Variants in MAPK8IP1 observed in about 807,000 individuals in gnomAD.
MAPK8IP1 encodes the protein C-Jun-amino-terminal kinase-interacting protein 1.
In MAPK8IP1, 17 loss-of-function variants were observed where a neutral mutation model predicts 72.6. The ratio of observed to expected loss-of-function variants is 0.23; its 90% confidence interval spans 0.16 to 0.35. The LOEUF (loss-of-function observed/expected upper bound fraction) is 0.35. Ranked by LOEUF, MAPK8IP1 falls within the 10% of genes least tolerant of loss-of-function variation. The pLI, the probability that MAPK8IP1 is intolerant of heterozygous loss-of-function variation, is 1.00. For synonymous variants in MAPK8IP1, 401 were observed against 443.4 expected, an observed-to-expected ratio of 0.90 and a Z score of 1.20; for missense variants, 789 against 1,009.7, an observed-to-expected ratio of 0.78 and a Z score of 2.96.
Position 45,905,831 on chromosome 11 carries a change from G to A in MAPK8IP1, c.*110G>A, listed in dbSNP as rs1165943039. ...GGAGGGGCACCTGCCACCGCCAGAG[G>A]ACAAGGAAGTGGGGGCCGCTGGCCC... On this transcript the variant is annotated 3_prime_UTR_variant, in exon 12 of 12. Coordinates refer to ENST00000241014, the MANE Select transcript of MAPK8IP1 (RefSeq NM_005456.4). The A allele has an allele frequency of 2.7e-6, 3 of 1,095,814 alleles. No individual in the cohort carries two copies. Among genetic ancestry groups the A allele is most frequent in the Non-Finnish European group, 4.2e-6 (3 of 721,882 alleles). The allele number at this position is 1,095,814 out of a possible 1,614,324, so 67.9% of individuals were successfully genotyped here.
rs1368433163 is a variant in MAPK8IP1 at position 45,904,524 on chromosome 11, A to G, written c.1736A>G (p.Tyr579Cys). The G allele has an allele frequency of 1.2e-6, 2 of 1,614,176 alleles. No homozygotes were observed. The highest frequency in any genetic ancestry group is 1.7e-5 in the Admixed American group (1 of 60,026). Residue 579 changes from tyrosine (Y) to cysteine (C), a missense_variant, in exon 8 of 12, where the codon TAT becomes TGT. Coordinates refer to ENST00000241014, the MANE Select transcript of MAPK8IP1 (RefSeq NM_005456.4). This position sits in a 1 kb window ranked among gnomAD's most constrained non-coding sequence, Gnocchi z 6.4. ...VKFLGSVQVPYHKGNDVLCAA... is the reference protein window; with the variant it reads ...VKFLGSVQVPCHKGNDVLCAA... ...TTCCTGGGCTCAGTCCAGGTTCCCTATCACAAGGGCAATGACGTCCTCTGT... is the reference window on the plus strand; with the variant it reads ...TTCCTGGGCTCAGTCCAGGTTCCCTGTCACAAGGGCAATGACGTCCTCTGT...
Position 45,902,158 on chromosome 11 carries a change from G to C in MAPK8IP1, c.604+97G>C. ...CCTACAGTCTCCAAAGGGCTGAGTA[G>C]AGGTGAACTGCCCACCCACATCCCT... On this transcript the variant is annotated intron_variant, in intron 4 of 11. Transcript: ENST00000241014. The surrounding 1 kb of genome is among the most constrained non-coding windows in gnomAD (Gnocchi z 9.3). 8.5e-7 allele frequency: 1 copy of C among 1,173,186 alleles called. No individual in the cohort carries two copies. The highest frequency in any genetic ancestry group is 1.3e-6 in the Non-Finnish European group (1 of 778,102). The allele number at this position is 1,173,186 out of a possible 1,614,324, so 72.7% of individuals were successfully genotyped here. A position where few individuals can be genotyped will look rare whatever the true frequency, so the allele number is the denominator to read the frequency against.
At position 45,902,071 on chromosome 11, in the gene MAPK8IP1, G is replaced by A; in HGVS notation, c.604+10G>A. The A allele has an allele frequency of 6.2e-7, 1 of 1,612,454 alleles. No homozygotes were observed. Among genetic ancestry groups the A allele is most frequent in the South Asian group, 1.1e-5 (1 of 91,036 alleles). ...TCACCCCTGAAGACAGGTAAGTCAG[G>A]GCCCTCTTCCTTACCTGGACCTCCG... is the stretch of plus-strand genomic sequence containing the variant. On this transcript the variant is annotated intron_variant, in intron 4 of 11. Coordinates refer to ENST00000241014, the MANE Select transcript of MAPK8IP1 (RefSeq NM_005456.4). The surrounding 1 kb of genome is among the most constrained non-coding windows in gnomAD (Gnocchi z 9.3).
intron 1 of MAPK8IP1, among the ~76,000 whole-genome samples, chr11:45,892,478 A>AG (rs1393847303): frequency 6.6e-6 from 1 of 151,778 alleles, no homozygotes; most frequent in African/African-American, 2.4e-5. Context: ...ACTGACTCCA[A>AG]GGGGAGGCCA....
At chr11:45,889,555 G>A (rs776327747) in intron 1 of MAPK8IP1, among the ~76,000 whole-genome samples, 5 of 152,182 alleles carry the variant, frequency 3.3e-5, no homozygotes, top group East Asian at 1.9e-4. Context: ...GACAGTTCAC[G>A]TGGGAGGAAC....
chr11:45,902,118 C>G lies in MAPK8IP1; in HGVS notation c.604+57C>G. ...TCCGCCTGCCCTGACTCAGTCCCCA[C>G]TACAGAGAGCAAACCCTACAGTCTC... On this transcript the variant is annotated intron_variant, in intron 4 of 11. Coordinates refer to ENST00000241014, the MANE Select transcript of MAPK8IP1 (RefSeq NM_005456.4). This position sits in a 1 kb window ranked among gnomAD's most constrained non-coding sequence, Gnocchi z 9.3. 1 of 1,447,356 alleles carries G rather than the reference C, an allele frequency of 6.9e-7. No homozygotes were observed. The highest frequency in any genetic ancestry group is 1.1e-5 in the South Asian group (1 of 87,746). The allele number at this position is 1,447,356 out of a possible 1,614,324, so 89.7% of individuals were successfully genotyped here. A position where few individuals can be genotyped will look rare whatever the true frequency, so the allele number is the denominator to read the frequency against.
chr11:45,886,500 C>A (rs2086528638), intron 1 of MAPK8IP1, among the ~76,000 whole-genome samples: 1 of 152,182 alleles, frequency 6.6e-6, no homozygotes, highest in African/African-American at 2.4e-5. Context: ...AAGGCTCAGC[C>A]TCAACCAGGG....
In MAPK8IP1 at chr11:45,900,558, G is replaced by T. The variant is rs1275317334; in HGVS notation, c.522+106G>T. The T allele has an allele frequency of 9.7e-6, 13 of 1,333,808 alleles. No individual in the cohort carries two copies. Among genetic ancestry groups the T allele is most frequent in the Non-Finnish European group, 1.3e-5 (13 of 989,416 alleles). The allele number at this position is 1,333,808 out of a possible 1,614,324, so 82.6% of individuals were successfully genotyped here. On this transcript the variant is annotated intron_variant, in intron 3 of 11. Transcript: ENST00000241014. The surrounding 1 kb of genome is among the most constrained non-coding windows in gnomAD (Gnocchi z 6.5). ...GGGCACCCACGGGTCCAGTGCCTGG[G>T]GACAGCGCCTGCATAGGGGCCGCGG...
intron 1 of MAPK8IP1, chr11:45,897,021 A>G (rs2134670632): frequency 6.7e-7 from 1 of 1,501,760 alleles, no homozygotes; most frequent in Admixed American, 2.0e-5. Flanking sequence ...AGGGTCTCTG[A>G]TCTGAATGAG....
intron 2 of MAPK8IP1, among the ~76,000 whole-genome samples, chr11:45,898,956 C>A (rs922451985): frequency 6.6e-6 from 1 of 152,206 alleles, no homozygotes; most frequent in Admixed American, 6.5e-5. Context: ...CCCAGAGCTC[C>A]TCTGAGCCCC....
Position 45,904,089 on chromosome 11 carries a change from C to G in MAPK8IP1, c.1594C>G (p.Arg532Gly), listed in dbSNP as rs752521574. 1 of 1,613,942 alleles carries G rather than the reference C, an allele frequency of 6.2e-7. No individual in the cohort carries two copies. The highest frequency in any genetic ancestry group is 8.5e-7 in the Non-Finnish European group (1 of 1,180,006). ...EDYWYEAYNM[R>G]TGARGVFPAY... ...CTACTGGTACGAGGCCTACAACATG[C>G]GCACTGGTGCCCGGGGTGTCTTTCC... is the stretch of plus-strand genomic sequence containing the variant. The change falls in exon 7 of 12, where the codon CGC (arginine) becomes GGC (glycine). Residue 532 changes from arginine (R) to glycine (G), a missense_variant. Physicochemically the swap from Arg to Gly is moderately radical, Grantham distance 125. This residue lies in a region of MAPK8IP1 where 188 missense variants were observed against 293.3 expected (regional missense o/e 0.64). Transcript: ENST00000241014. This position sits in a 1 kb window ranked among gnomAD's most constrained non-coding sequence, Gnocchi z 6.4.
intron 1 of MAPK8IP1, among the ~76,000 whole-genome samples, chr11:45,889,175 A>G (rs939141913): frequency 2.0e-5 from 3 of 152,252 alleles, no homozygotes; most frequent in African/African-American, 4.8e-5. Context: ...TATCTTATAC[A>G]TATAGCCTCA....
Position 45,906,021 on chromosome 11 carries a change from C to G in MAPK8IP1, c.*300C>G. 2 of 535,390 alleles carry G rather than the reference C, an allele frequency of 3.7e-6. No homozygotes were observed. Among genetic ancestry groups the G allele is most frequent in the Non-Finnish European group, 6.8e-6 (2 of 295,766 alleles). 33.2% of individuals were successfully genotyped at this position (535,390 alleles called of 1,614,324 possible). On this transcript the variant is annotated 3_prime_UTR_variant, in exon 12 of 12. Coordinates refer to ENST00000241014, the MANE Select transcript of MAPK8IP1 (RefSeq NM_005456.4). The stretch of plus-strand genomic sequence containing the variant: ...GAAGGATGTCCGTTCCAGGAGCACA[C>G]GGCCCTGCCCCATCCTGGGCCTTAC...
chr11:45,891,762 T>C (rs1450379146), intron 1 of MAPK8IP1, among the ~76,000 whole-genome samples: 1 of 152,246 alleles, frequency 6.6e-6, no homozygotes, highest in Non-Finnish European at 1.5e-5. Flanking sequence ...GTTGTCACCT[T>C]AATACACAGA....
At chr11:45,896,855 G>GC (rs1456010483) in intron 1 of MAPK8IP1, 12 of 1,548,846 alleles carry the variant, frequency 7.7e-6, no homozygotes, top group South Asian at 7.1e-5. Flanking sequence ...GGGCCCCGCA[G>GC]CCCCCCGGCC....
chr11:45,900,479 C>T lies in MAPK8IP1; in HGVS notation c.522+27C>T. 6.5e-7 allele frequency: 1 copy of T among 1,530,148 alleles called. No homozygotes were observed. The highest frequency in any genetic ancestry group is 8.7e-7 in the Non-Finnish European group (1 of 1,144,494). 94.8% of individuals were successfully genotyped at this position (1,530,148 alleles called of 1,614,324 possible). The stretch of plus-strand genomic sequence containing the variant: ...TGAGGCGCCAACGTGGGGGGCGGCG[C>T]CCTGGGCCGCCGCGGAGATGTGAGG... On this transcript the variant is annotated intron_variant, in intron 3 of 11. Coordinates refer to ENST00000241014, the MANE Select transcript of MAPK8IP1 (RefSeq NM_005456.4). This position sits in a 1 kb window ranked among gnomAD's most constrained non-coding sequence, Gnocchi z 6.5.
chr11:45,902,674 A>T lies in MAPK8IP1; in HGVS notation c.907A>T (p.Thr303Ser). The T allele has an allele frequency of 6.2e-7, 1 of 1,611,808 alleles. No individual in the cohort carries two copies. The highest frequency in any genetic ancestry group is 8.5e-7 in the Non-Finnish European group (1 of 1,179,876). Residue 303 changes from threonine (T) to serine (S), a missense_variant, in exon 5 of 12, where the codon ACT becomes TCT. This residue lies in a region of MAPK8IP1 where 377 missense variants were observed against 411.7 expected (regional missense o/e 0.92). Coordinates refer to ENST00000241014, the MANE Select transcript of MAPK8IP1 (RefSeq NM_005456.4). This position sits in a 1 kb window ranked among gnomAD's most constrained non-coding sequence, Gnocchi z 9.3. ...GCCCACCTCCGCCTTCCTGCCGCCC[A>T]CTGAGAGCCGGATGTCAGTCAGCTC... ...AEPTSAFLPP[T>S]ESRMSVSSDP...
chr11:45,903,456 T>C lies in MAPK8IP1; in HGVS notation c.1493+16T>C. On this transcript the variant is annotated intron_variant, in intron 6 of 11. Coordinates refer to ENST00000241014, the MANE Select transcript of MAPK8IP1 (RefSeq NM_005456.4). This position sits in a 1 kb window ranked among gnomAD's most constrained non-coding sequence, Gnocchi z 6.4. ...CCATATTCAGGTGAGAGCCATGGGC[T>C]GGCTGGGCCTAGCCAGGCAGCAGTT... 2 of 1,606,290 alleles carry C rather than the reference T, an allele frequency of 1.2e-6. No individual in the cohort carries two copies. Among genetic ancestry groups the C allele is most frequent in the Non-Finnish European group, 1.7e-6 (2 of 1,177,652 alleles).
In MAPK8IP1 at chr11:45,904,437, T is replaced by C. The variant is rs1467028759; in HGVS notation, c.1667-18T>C. 6.2e-7 allele frequency: 1 copy of C among 1,606,164 alleles called. No homozygotes were observed. The highest frequency in any genetic ancestry group is 1.1e-5 in the South Asian group (1 of 90,846). On this transcript the variant is annotated intron_variant, in intron 7 of 11. Coordinates refer to ENST00000241014, the MANE Select transcript of MAPK8IP1 (RefSeq NM_005456.4). This position sits in a 1 kb window ranked among gnomAD's most constrained non-coding sequence, Gnocchi z 6.4. ...TCCTGCTCTTTCTGCCCCTCCTCAA[T>C]TCACGCTTGCTTTCCAGCCCTGGCC...
Sources: allele counts gnomAD v4.1 joint callset (sites outside exome capture counted in the v4.1 genomes callset), GRCh38; gene constraint gnomAD v4.1.1; regional missense constraint gnomAD v4.1.1; non-coding constraint Gnocchi (gnomAD v3.1); transcripts MANE v1.5; gene names NCBI Gene and HGNC (gene_info 2026-07-23, HGNC 2026-07-21).